RNGTT: variants seen among roughly 807,000 people sequenced by gnomAD.
RNGTT encodes the protein RNA guanylyltransferase and 5'-phosphatase.
A neutral mutation model predicts 79.3 loss-of-function variants in RNGTT; 33 were observed. The ratio of observed to expected loss-of-function variants is 0.42; its 90% CI spans 0.32 to 0.56. The LOEUF (loss-of-function observed/expected upper bound fraction) is 0.56, where lower values mean the gene tolerates loss of function less well. Among genes scored for constraint, RNGTT ranks in the 20% least tolerant of loss-of-function variants. The probability of loss-of-function intolerance (pLI) is 0.17; values close to 1 mark genes in which losing one functional copy is unlikely to be tolerated. For synonymous variants in RNGTT, 222 were observed against 235.9 expected (o/e 0.94, Z 0.54); for missense variants, 497 against 739.1 (o/e 0.67, Z 3.80).
chr6:88,786,046 A>G (rs1779219981), intron 12 of RNGTT, among the ~76,000 whole-genome samples: 1 of 152,148 alleles, frequency 6.6e-6, no homozygotes, highest in Non-Finnish European at 1.5e-5. Context: ...TTTACTAACC[A>G]TAGTAGAGTT....
intron 11 of RNGTT, among the ~76,000 whole-genome samples, chr6:88,820,871 G>A (rs1257806803): frequency 6.6e-6 from 1 of 152,090 alleles, no homozygotes; most frequent in Non-Finnish European, 1.5e-5. Flanking sequence ...TTGTCAAGAT[G>A]TCAGTCTTCC....
chr6:88,755,558 G>A (rs1235324152), intron 13 of RNGTT, among the ~76,000 whole-genome samples: 1 of 152,034 alleles, frequency 6.6e-6, no homozygotes, highest in Non-Finnish European at 1.5e-5. Context: ...ATAAAAGCTA[G>A]GGGGGAATGG....
intron 6 of RNGTT, among the ~76,000 whole-genome samples, chr6:88,901,456 C>CA (rs1448476694): frequency 1.4e-5 from 2 of 140,594 alleles, no homozygotes; most frequent in Non-Finnish European, 3.1e-5. Flanking sequence ...ATGAAACACT[C>CA]AAAGTGCTAG....
chr6:88,717,640 T>C (rs1411691739), intron 13 of RNGTT, among the ~76,000 whole-genome samples: 1 of 152,136 alleles, frequency 6.6e-6, no homozygotes, highest in Non-Finnish European at 1.5e-5. Context: ...TCAGACTGGA[T>C]ACTGGAGACA....
At chr6:88,629,511 T>C (rs1484906787) in intron 14 of RNGTT, among the ~76,000 whole-genome samples, 1 of 152,228 alleles carries the variant, frequency 6.6e-6, no homozygotes, top group Non-Finnish European at 1.5e-5. Context: ...TCTCATTTTG[T>C]TCCCTCCTTC....
intron 6 of RNGTT, among the ~76,000 whole-genome samples, chr6:88,900,882 C>T (rs1783431774): frequency 6.6e-6 from 1 of 151,610 alleles, no homozygotes; most frequent in Admixed American, 6.6e-5. Flanking sequence ...TGGCTCACGC[C>T]TATAATGCTA....
chr6:88,693,821 A>C (rs1775564681), intron 13 of RNGTT, among the ~76,000 whole-genome samples: 1 of 152,192 alleles, frequency 6.6e-6, no homozygotes, highest in Non-Finnish European at 1.5e-5. Context: ...AAATGTGATA[A>C]GCCACATTAA....
chr6:88,758,707 T>C (rs541452121), intron 13 of RNGTT, among the ~76,000 whole-genome samples: 13 of 152,328 alleles, frequency 8.5e-5, no homozygotes, highest in African/African-American at 2.9e-4. Context: ...TCTGATAAGC[T>C]AGTAAGGGGT....
At position 88,823,292 on chromosome 6, in the gene RNGTT, C is replaced by T. The variant is rs112206784; in HGVS notation, c.1269+21065G>A. On this transcript the variant is annotated intron_variant, in intron 11 of 15. Coordinates refer to ENST00000369485, the MANE Select transcript of RNGTT (RefSeq NM_003800.5). Reference sequence around the variant, plus strand: ...CTAAAAATACAAAAAATTAGCTGGGCGTGGTGCCACGTGCCTGTAAGTAAT... The same window carrying T: ...CTAAAAATACAAAAAATTAGCTGGGTGTGGTGCCACGTGCCTGTAAGTAAT... Among the ~76,000 whole-genome samples, 363 of 151,964 alleles carry T rather than the reference C, an allele frequency of 2.4e-3. 5 individuals are homozygous for T. The highest frequency in any genetic ancestry group is 8.4e-3 in the African/African-American group (350 of 41,456).
At chr6:88,840,539 G>A (rs1781248033) in intron 11 of RNGTT, among the ~76,000 whole-genome samples, 1 of 152,076 alleles carries the variant, frequency 6.6e-6, no homozygotes, top group Non-Finnish European at 1.5e-5. Context: ...TGGAACTACA[G>A]GCATGTGCCA....
chr6:88,866,665 TA>T (rs1782175968), intron 8 of RNGTT, among the ~76,000 whole-genome samples: 1 of 152,158 alleles, frequency 6.6e-6, no homozygotes, highest in Admixed American at 6.5e-5. Flanking sequence ...CACATTCAAA[TA>T]AATCAATGTA....
At chr6:88,892,246 G>T (rs563900195) in intron 6 of RNGTT, among the ~76,000 whole-genome samples, 1 of 151,990 alleles carries the variant, frequency 6.6e-6, no homozygotes, top group South Asian at 2.1e-4. Context: ...TTACAACACT[G>T]AAAAAATAGA....
rs1779786694 is a variant in RNGTT at position 88,801,632 on chromosome 6, G to A, written c.1270C>T (p.Leu424=). 3 of 1,597,008 alleles carry A rather than the reference G, an allele frequency of 1.9e-6. No homozygotes were observed. The highest frequency in any genetic ancestry group is 1.3e-5 in the African/African-American group (1 of 74,332). The stretch of plus-strand genomic sequence containing the variant: ...TCTTTGGCAAAATTTCCTTCAAGTA[G>A]CTATAAAATAAATACACATGTATTC... ...PFFDICTSRK[L]LEGNFAKEVS... is the part of the protein sequence containing the mutation. Residue 424 remains leucine, a splice_region_variant and synonymous_variant, in exon 12 of 16, where the codon CTA becomes TTA. Transcript: ENST00000369485.
At chr6:88,886,456 A>G (rs912837813) in intron 8 of RNGTT, among the ~76,000 whole-genome samples, 1 of 152,242 alleles carries the variant, frequency 6.6e-6, no homozygotes, top group African/African-American at 2.4e-5. Flanking sequence ...ATCAATGTTA[A>G]TGTCTTGATT....
chr6:88,867,605 C>A (rs924558571), intron 8 of RNGTT, among the ~76,000 whole-genome samples: 4 of 151,962 alleles, frequency 2.6e-5, no homozygotes. Flanking sequence ...AAGAATCTGT[C>A]CAAAAGTTAT....
At chr6:88,706,231 G>T (rs1776125446) in intron 13 of RNGTT, among the ~76,000 whole-genome samples, 1 of 152,030 alleles carries the variant, frequency 6.6e-6, no homozygotes, top group Non-Finnish European at 1.5e-5. Flanking sequence ...GCATTGAAGT[G>T]CTTTTTTTTG....
At chr6:88,805,667 G>A (rs939701314) in intron 11 of RNGTT, among the ~76,000 whole-genome samples, 2 of 152,158 alleles carry the variant, frequency 1.3e-5, no homozygotes, top group African/African-American at 2.4e-5. Flanking sequence ...CCATGCCTGC[G>A]ATTCAGGTGC....
intron 11 of RNGTT, among the ~76,000 whole-genome samples, chr6:88,830,036 G>A (rs1780802493): frequency 6.6e-6 from 1 of 152,134 alleles, no homozygotes; most frequent in Non-Finnish European, 1.5e-5. Context: ...TGTGGACCAA[G>A]CAGACCTAAT....
intron 6 of RNGTT, 99 bp from the exon 7 acceptor site, chr6:88,892,014 C>T (rs1783067104): frequency 1.2e-6 from 1 of 806,326 alleles, no homozygotes; most frequent in Non-Finnish European, 1.9e-6. Context: ...TTAGTTTGTT[C>T]TCACAAATCT....
Sources: allele counts gnomAD v4.1 joint callset (sites outside exome capture counted in the v4.1 genomes callset), GRCh38; gene constraint gnomAD v4.1.1; transcripts MANE v1.5; gene names NCBI Gene and HGNC (gene_info 2026-07-23, HGNC 2026-07-21).